The following CYTH1 variants were observed in gnomAD, a reference collection of about 807,000 sequenced individuals.
The protein encoded by CYTH1 is cytohesin 1, also known as cytohesin-1.
Under a neutral mutation model 61.8 loss-of-function variants are expected in CYTH1, and 18 were observed. The ratio of observed to expected loss-of-function variants is 0.29; its 90% confidence interval spans 0.20 to 0.43. CYTH1 has a LOEUF of 0.43. Among genes scored for constraint, CYTH1 ranks in the 20% least tolerant of loss-of-function variants. CYTH1 has a pLI of 1.00. For missense variants in CYTH1, 336 were observed against 510.5 expected, an observed-to-expected ratio of 0.66 and a Z score of 3.29; for synonymous variants, 174 against 184.3, an observed-to-expected ratio of 0.94 and a Z score of 0.45.
intron 10 of CYTH1, among the ~76,000 whole-genome samples, chr17:78,693,412 C>A (rs2092908422): frequency 6.6e-6 from 1 of 151,958 alleles, no homozygotes; most frequent in African/African-American, 2.4e-5. Context: ...CGCTTGAGGT[C>A]AGGAGTTCAA....
intron 1 of CYTH1, among the ~76,000 whole-genome samples, chr17:78,747,027 G>C (rs2093361893): frequency 6.6e-6 from 1 of 150,784 alleles, no homozygotes; most frequent in African/African-American, 2.4e-5. Flanking sequence ...AATGATGTCT[G>C]TTGAACTGTG....
chr17:78,692,630 C>T lies in CYTH1; in HGVS notation c.815-137G>A, dbSNP rs1402825256. On this transcript the variant is annotated intron_variant, in intron 10 of 13. Transcript: ENST00000446868. ...GAGAACGTGGAGCCCACAACATTGA[C>T]ATCAGTAACAAGACACAGAGCTGAA... The T allele has an allele frequency of 5.7e-6, 4 of 697,054 alleles. No homozygotes were observed. The East Asian group carries it at 1.0e-4, about 18-fold the overall frequency. 43.2% of individuals were successfully genotyped at this position (697,054 alleles called of 1,614,324 possible).
Position 78,698,246 on chromosome 17 carries a change from C to T in CYTH1, c.811+23G>A, listed in dbSNP as rs561629164. 224 of 1,586,426 alleles carry T rather than the reference C, an allele frequency of 1.4e-4. No homozygotes were observed. The South Asian group carries it at 2.4e-3, about 17-fold the overall frequency. On this transcript the variant is annotated intron_variant, in intron 9 of 13. Coordinates refer to ENST00000446868, the MANE Select transcript of CYTH1 (RefSeq NM_004762.6). ...TCTTCCTAAGTCTCAGCTTTAGGAGCCCTGACTCAGAGGTGCGCTTACCGA... is the reference window on the plus strand; with the variant it reads ...TCTTCCTAAGTCTCAGCTTTAGGAGTCCTGACTCAGAGGTGCGCTTACCGA...
intron 1 of CYTH1, among the ~76,000 whole-genome samples, chr17:78,711,304 T>TAAG (rs1567852045): frequency 1.8e-5 from 1 of 54,798 alleles, no homozygotes; most frequent in Admixed American, 1.9e-4. Context: ...AAATAAATAA[T>TAAG]ATATATATAT....
At chr17:78,702,438 T>G in intron 4 of CYTH1, 100 bp downstream of exon 4, 1 of 1,320,282 alleles carries the variant, frequency 7.6e-7, no homozygotes, top group South Asian at 1.3e-5. Context: ...AACGGCAACA[T>G]GAACTGTAAC....
intron 1 of CYTH1, among the ~76,000 whole-genome samples, chr17:78,730,752 C>T (rs1160510940): frequency 6.6e-6 from 1 of 151,762 alleles, no homozygotes; most frequent in Non-Finnish European, 1.5e-5. Context: ...GCAAGCTCCG[C>T]CTCCTGGGTT....
chr17:78,768,503 A>C (rs757848488), intron 1 of CYTH1, among the ~76,000 whole-genome samples: 13 of 152,206 alleles, frequency 8.5e-5, no homozygotes, highest in Non-Finnish European at 1.5e-4. Flanking sequence ...GAAACTCTCC[A>C]AGCAGTCATC....
At position 78,675,764 on chromosome 17, in the gene CYTH1, G is replaced by C. The variant is rs2092691540; in HGVS notation, c.*327C>G. ...AAGGCTTCTTCACGGGGACAACCAA[G>C]AGGTAAACAGTTGGCTCTGAGCTCT... On this transcript the variant is annotated 3_prime_UTR_variant, in exon 14 of 14. Coordinates refer to ENST00000446868, the MANE Select transcript of CYTH1 (RefSeq NM_004762.6). 1 of 897,902 alleles carries C rather than the reference G, an allele frequency of 1.1e-6. No homozygotes were observed. Among genetic ancestry groups the C allele is most frequent in the Non-Finnish European group, 1.6e-6 (1 of 621,324 alleles). 55.6% of individuals were successfully genotyped at this position (897,902 alleles called of 1,614,324 possible).
At chr17:78,711,048 G>A (rs1242125862) in intron 1 of CYTH1, among the ~76,000 whole-genome samples, 1 of 151,948 alleles carries the variant, frequency 6.6e-6, no homozygotes, top group Non-Finnish European at 1.5e-5. Context: ...AGATCACGAG[G>A]TCAGGAGACC....
rs2092672964 is a variant in CYTH1, at chr17:78,674,299, C to G, written c.*1792G>C. The G allele has an allele frequency of 6.6e-6, 1 of 152,574 alleles. No homozygotes were observed. Among genetic ancestry groups the G allele is most frequent in the African/African-American group, 2.4e-5 (1 of 41,462 alleles). The allele number at this position is 152,574 out of a possible 1,614,324, so 9.5% of individuals were successfully genotyped here. On this transcript the variant is annotated 3_prime_UTR_variant, in exon 14 of 14. Coordinates refer to ENST00000446868, the MANE Select transcript of CYTH1 (RefSeq NM_004762.6). ...TAGACTAATACTGACCCAGGTGCCT[C>G]TCTGTCTAGGAAACACTTGAGAACC...
intron 1 of CYTH1, among the ~76,000 whole-genome samples, chr17:78,730,369 C>A (rs1002097597): frequency 0.01 from 955 of 94,932 alleles, no homozygotes; most frequent in Non-Finnish European, 0.011. Context: ...ACTAAAAATA[C>A]AAAAAAAAAA....
chr17:78,731,092 G>C (rs1000117535), intron 1 of CYTH1, among the ~76,000 whole-genome samples: 1 of 152,136 alleles, frequency 6.6e-6, no homozygotes, highest in Admixed American at 6.5e-5. Context: ...TAGGGCTACA[G>C]AATCAACGCA....
chr17:78,739,805 T>C (rs1241112648), intron 1 of CYTH1, among the ~76,000 whole-genome samples: 7 of 152,094 alleles, frequency 4.6e-5, no homozygotes, highest in Non-Finnish European at 8.8e-5. Flanking sequence ...AAAGTGGCCA[T>C]ATTCTTGCTA....
chr17:78,771,511 T>A (rs1347691822), intron 1 of CYTH1, among the ~76,000 whole-genome samples: 1 of 151,970 alleles, frequency 6.6e-6, no homozygotes, highest in Non-Finnish European at 1.5e-5. Flanking sequence ...GGCAGGCAGA[T>A]CACAAGGTCA....
intron 10 of CYTH1, among the ~76,000 whole-genome samples, chr17:78,694,730 T>C (rs1356700395): frequency 6.6e-6 from 1 of 152,074 alleles, no homozygotes; most frequent in Non-Finnish European, 1.5e-5. Flanking sequence ...GCGAGTCAGA[T>C]GCTAAAAGAA....
chr17:78,701,803 A>G, intron 5 of CYTH1, 52 bp from the exon 6 acceptor site: 1 of 1,572,828 alleles, frequency 6.4e-7, no homozygotes. Context: ...AGGCACCAAC[A>G]CTGAGAATCT....
At chr17:78,760,545 GTA>G (rs1187374705) in intron 1 of CYTH1, among the ~76,000 whole-genome samples, 646 of 31,668 alleles carry the variant, frequency 0.02, 87 homozygotes, top group South Asian at 0.076. Flanking sequence ...ACATATATAT[GTA>G]TATATATATG....
chr17:78,700,906 T>C lies in CYTH1; in HGVS notation c.438-463A>G, dbSNP rs941413257. 6.6e-6 allele frequency among the ~76,000 whole-genome samples: 1 copy of C among 152,130 alleles called. No individual in the cohort carries two copies. The highest frequency in any genetic ancestry group is 1.5e-5 in the Non-Finnish European group (1 of 68,022). On this transcript the variant is annotated intron_variant, in intron 6 of 13. Transcript: ENST00000446868. The surrounding 1 kb of genome is among the most constrained non-coding windows in gnomAD (Gnocchi z 5.1). ...TTCTGTTACTGTAACTCTGAACAGATGCAAAGTTGCCATCCACACCACTGT... is the reference window on the plus strand; with the variant it reads ...TTCTGTTACTGTAACTCTGAACAGACGCAAAGTTGCCATCCACACCACTGT...
At chr17:78,676,749 A>G in intron 13 of CYTH1, 2 of 341,682 alleles carry the variant, frequency 5.9e-6, no homozygotes, top group Non-Finnish European at 5.8e-6. Flanking sequence ...TCCGGTGCAC[A>G]GGGAGGGGGC....
Sources: gnomAD v4.1 joint callset for allele counts (sites outside exome capture counted in the v4.1 genomes callset) on GRCh38, gnomAD v4.1.1 for gene constraint, Gnocchi (gnomAD v3.1) non-coding constraint, MANE v1.5 for transcripts, NCBI Gene and HGNC (gene_info 2026-07-23, HGNC 2026-07-21) for gene names.